The following UBE3D variants were observed in gnomAD, a reference collection of about 807,000 sequenced individuals.
UBE3D encodes the protein ubiquitin protein ligase E3D.
A neutral mutation model predicts 49.6 loss-of-function variants in UBE3D; 48 were observed. The observed-to-expected ratio is 0.97, with a 90% CI of 0.77 to 1.23. The LOEUF (loss-of-function observed/expected upper bound fraction) is 1.23. Among genes scored for constraint, UBE3D ranks in the 50% most tolerant of loss-of-function variants. The pLI, the probability that UBE3D is intolerant of heterozygous loss-of-function variation, is 0.00. For synonymous variants in UBE3D, 189 were observed against 174.2 expected (o/e 1.08, Z -0.67); for missense variants, 452 against 468.4 (o/e 0.96, Z 0.32).
intron 5 of UBE3D, among the ~76,000 whole-genome samples, chr6:83,024,835 T>C (rs191235185): frequency 3.2e-4 from 48 of 152,260 alleles, no homozygotes; most frequent in Middle Eastern, 3.4e-3. Flanking sequence ...GGGAGAAAGA[T>C]TAACGGTATA....
At chr6:82,918,234 A>T (rs1276044596) in intron 9 of UBE3D, among the ~76,000 whole-genome samples, 1 of 151,752 alleles carries the variant, frequency 6.6e-6, no homozygotes, top group African/African-American at 2.4e-5. Context: ...AAAAATTCTC[A>T]TTTACCCTTC....
At chr6:82,997,313 T>C (rs1420340661) in intron 8 of UBE3D, among the ~76,000 whole-genome samples, 1 of 152,042 alleles carries the variant, frequency 6.6e-6, no homozygotes, top group African/African-American at 2.4e-5. Context: ...AAATACATTA[T>C]GGAATATAGG....
chr6:83,006,348 C>T (rs1041946280), intron 8 of UBE3D, among the ~76,000 whole-genome samples: 4 of 152,102 alleles, frequency 2.6e-5, no homozygotes, highest in Admixed American at 1.3e-4. Flanking sequence ...CCCTGCTTTT[C>T]CTGTATTTGG....
intron 4 of UBE3D, among the ~76,000 whole-genome samples, chr6:83,038,844 C>T (rs6934537): frequency 0.89 from 135,954 of 152,308 alleles, 60,727 homozygotes; most frequent in East Asian, 0.96. Flanking sequence ...ATGACTTGCC[C>T]CAACTCATGT....
chr6:83,006,626 G>C (rs1779999669), intron 8 of UBE3D, among the ~76,000 whole-genome samples: 1 of 152,040 alleles, frequency 6.6e-6, no homozygotes, highest in Non-Finnish European at 1.5e-5. Flanking sequence ...TAGACTTTTA[G>C]CCTCCAGAAA....
chr6:82,957,547 G>A (rs1391168407), intron 8 of UBE3D, 97 bp from the exon 9 acceptor site: 16 of 1,354,826 alleles, frequency 1.2e-5, no homozygotes, highest in Middle Eastern at 1.9e-4. Context: ...GAGAGAAAAA[G>A]GCAAAGTACA....
intron 5 of UBE3D, among the ~76,000 whole-genome samples, chr6:83,033,324 A>C (rs1782013069): frequency 6.6e-6 from 1 of 152,168 alleles, no homozygotes; most frequent in Non-Finnish European, 1.5e-5. Context: ...ACATTTTATT[A>C]TTGTAAATTG....
intron 7 of UBE3D, among the ~76,000 whole-genome samples, chr6:83,022,007 G>A (rs972738003): frequency 8.5e-5 from 13 of 152,122 alleles, no homozygotes; most frequent in African/African-American, 2.6e-4. Context: ...AAAGGAGTTT[G>A]ATTTATGAAT....
intron 5 of UBE3D, among the ~76,000 whole-genome samples, chr6:83,035,526 G>C (rs1782188018): frequency 6.6e-6 from 1 of 152,006 alleles, no homozygotes; most frequent in African/African-American, 2.4e-5. Flanking sequence ...AATTATGAAG[G>C]CACTGCTTCA....
downstream of UBE3D, among the ~76,000 whole-genome samples, chr6:82,888,508 A>G (rs2127707736): frequency 6.6e-6 from 1 of 152,278 alleles, no homozygotes; most frequent in East Asian, 1.9e-4. Flanking sequence ...GCTTTGTATA[A>G]TAGGGGAGAA....
intron 5 of UBE3D, among the ~76,000 whole-genome samples, chr6:83,029,461 T>C (rs1241266683): frequency 6.6e-6 from 1 of 152,210 alleles, no homozygotes; most frequent in Non-Finnish European, 1.5e-5. Flanking sequence ...TCTTTGATTT[T>C]TCTAATTTAT....
At chr6:82,992,547 G>C (rs1428094723) in intron 8 of UBE3D, among the ~76,000 whole-genome samples, 1 of 152,168 alleles carries the variant, frequency 6.6e-6, no homozygotes, top group Non-Finnish European at 1.5e-5. Flanking sequence ...TTAGGGAAGG[G>C]AGTATAAAGT....
intron 8 of UBE3D, among the ~76,000 whole-genome samples, chr6:82,982,022 CCT>C (rs1205190306): frequency 2.6e-5 from 4 of 151,956 alleles, no homozygotes; most frequent in South Asian, 2.1e-4. Flanking sequence ...ATAAACTGCC[CCT>C]GTTTCTCATG....
intron 5 of UBE3D, among the ~76,000 whole-genome samples, chr6:83,026,211 C>T (rs531339848): frequency 6.6e-6 from 1 of 152,096 alleles, no homozygotes; most frequent in East Asian, 1.9e-4. Flanking sequence ...TTTGGAAGGC[C>T]AAGGCAGGAC....
chr6:82,954,172 G>T (rs1160411543), intron 9 of UBE3D, among the ~76,000 whole-genome samples: 1 of 152,164 alleles, frequency 6.6e-6, no homozygotes, highest in African/African-American at 2.4e-5. Context: ...TGCCATGGAA[G>T]AATTTTAAGC....
chr6:82,975,283 G>A (rs1289805283), intron 8 of UBE3D, among the ~76,000 whole-genome samples: 1 of 152,050 alleles, frequency 6.6e-6, no homozygotes, highest in African/African-American at 2.4e-5. Context: ...AATGATGACT[G>A]TAGATTTAAA....
intron 5 of UBE3D, 94 bp from the exon 6 acceptor site, chr6:83,024,132 T>C: frequency 1.7e-6 from 1 of 587,966 alleles, no homozygotes; most frequent in African/African-American, 2.0e-5. Context: ...CCAAACTAAA[T>C]ATTAAATATA....
chr6:83,005,892 G>C (rs1374001585), intron 8 of UBE3D, among the ~76,000 whole-genome samples: 2 of 152,090 alleles, frequency 1.3e-5, no homozygotes, highest in Non-Finnish European at 2.9e-5. Context: ...GTCACAAGAA[G>C]ACAAACACTG....
intron 3 of UBE3D, among the ~76,000 whole-genome samples, chr6:83,047,870 CAGG>C (rs376698667): frequency 1.3e-3 from 203 of 152,016 alleles, no homozygotes; most frequent in African/African-American, 4.6e-3. Context: ...ATTACGAGGT[CAGG>C]AGATCAAGAC....
Sources: gnomAD v4.1 joint callset for allele counts (sites outside exome capture counted in the v4.1 genomes callset) on GRCh38, gnomAD v4.1.1 for gene constraint, MANE v1.5 for transcripts, NCBI Gene and HGNC (gene_info 2026-07-23, HGNC 2026-07-21) for gene names.